The following ATF7IP2 variants were observed in gnomAD, a reference collection of about 807,000 sequenced individuals.
ATF7IP2 encodes activating transcription factor 7-interacting protein 2.
A neutral mutation model predicts 64.2 loss-of-function variants in ATF7IP2; 42 were observed. That is an observed-to-expected ratio of 0.65 (90% CI 0.51 to 0.85). ATF7IP2 has a LOEUF of 0.85. Among genes scored for constraint, ATF7IP2 ranks in the 40% least tolerant of loss-of-function variants. ATF7IP2 has a pLI of 0.00. For missense variants in ATF7IP2, 933 were observed against 784.2 expected (o/e 1.19, Z -2.27); for synonymous variants, 308 against 272.8 (o/e 1.13, Z -1.27).
chr16:10,477,956 G>C (rs1485537180), intron 12 of ATF7IP2, among the ~76,000 whole-genome samples: 2 of 143,224 alleles, frequency 1.4e-5, no homozygotes, highest in Non-Finnish European at 3.1e-5. Flanking sequence ...GGGATGTGAA[G>C]GACCTCTTCA....
chr16:10,466,686 T>C (rs2049586190), intron 9 of ATF7IP2, among the ~76,000 whole-genome samples: 1 of 152,208 alleles, frequency 6.6e-6, no homozygotes, highest in Non-Finnish European at 1.5e-5. Context: ...TCTTTTCAAT[T>C]TTTTTGACAG....
At chr16:10,402,210 C>T (rs571355920) in intron 1 of ATF7IP2, among the ~76,000 whole-genome samples, 4 of 152,104 alleles carry the variant, frequency 2.6e-5, no homozygotes, top group East Asian at 1.9e-4. Flanking sequence ...TTGATGGAGA[C>T]GTTGAATGCC....
intron 12 of ATF7IP2, among the ~76,000 whole-genome samples, chr16:10,480,352 T>G (rs931071156): frequency 2.6e-5 from 4 of 151,960 alleles, no homozygotes; most frequent in Non-Finnish European, 5.9e-5. Flanking sequence ...TTTTTCGTGT[T>G]CCCTTCCTTT....
chr16:10,460,976 G>A (rs1313656040), intron 9 of ATF7IP2, among the ~76,000 whole-genome samples: 1 of 152,070 alleles, frequency 6.6e-6, no homozygotes, highest in Non-Finnish European at 1.5e-5. Flanking sequence ...TATATATAAA[G>A]AACTTCAACA....
At chr16:10,402,341 A>G (rs2047551733) in intron 1 of ATF7IP2, among the ~76,000 whole-genome samples, 1 of 152,118 alleles carries the variant, frequency 6.6e-6, no homozygotes, top group South Asian at 2.1e-4. Context: ...TGACTCAGTG[A>G]TAGTTCAGAA....
At chr16:10,392,225 A>G (rs8058767) in intron 1 of ATF7IP2, among the ~76,000 whole-genome samples, 119,848 of 151,586 alleles carry the variant, frequency 0.79, 48,161 homozygotes, top group African/African-American at 0.94. Context: ...ACTTAGTAGA[A>G]ATGGGGTTTC....
Position 10,482,506 on chromosome 16 carries a change from C to G in ATF7IP2, c.*257C>G. 3.6e-6 allele frequency: 1 copy of G among 278,562 alleles called. No individual in the cohort carries two copies. The highest frequency in any genetic ancestry group is 6.7e-6 in the Non-Finnish European group (1 of 150,046). 17.3% of individuals were successfully genotyped at this position (278,562 alleles called of 1,614,324 possible). On this transcript the variant is annotated 3_prime_UTR_variant, in exon 14 of 14. Coordinates refer to ENST00000562102, the MANE Select transcript of ATF7IP2 (RefSeq NM_001393719.1). ...TGCTGAGGTGCATTGTGAACAATAC[C>G]TTTAGTGACTGTGGAACTGCTGCTT...
intron 9 of ATF7IP2, among the ~76,000 whole-genome samples, chr16:10,465,520 C>T (rs1468390907): frequency 6.6e-6 from 1 of 151,454 alleles, no homozygotes; most frequent in Non-Finnish European, 1.5e-5. Context: ...GCCGAGGCTC[C>T]TGAGGTCAGG....
chr16:10,428,110 A>G (rs1379430827), intron 3 of ATF7IP2, among the ~76,000 whole-genome samples: 1 of 152,220 alleles, frequency 6.6e-6, no homozygotes, highest in Non-Finnish European at 1.5e-5. Flanking sequence ...TAGAAAAAGT[A>G]ATAGAATTAT....
chr16:10,433,607 T>C lies in ATF7IP2; in HGVS notation c.918T>C (p.Asn306=), dbSNP rs1272673055. The C allele has an allele frequency of 3.1e-6, 5 of 1,613,750 alleles. No homozygotes were observed. The highest frequency in any genetic ancestry group is 1.1e-5 in the South Asian group (1 of 91,066). Residue 306 remains asparagine, a synonymous_variant, in exon 6 of 14, where the codon AAT becomes AAC. Coordinates refer to ENST00000562102, the MANE Select transcript of ATF7IP2 (RefSeq NM_001393719.1). ...AAACTTCAGAGCAAATTAATGAAAA[T>C]ATTTGTGTAAGTTTGGAAAGGCAAA... ...RMKTSEQINE[N]ICVSLERQTA... is the part of the protein sequence containing the mutation.
At chr16:10,438,276 G>A (rs763199322) in intron 7 of ATF7IP2, 41 bp downstream of exon 7, 1 of 1,569,018 alleles carries the variant, frequency 6.4e-7, no homozygotes. Context: ...AGGGGAGTAG[G>A]GGGTGTTGTT....
chr16:10,437,970 T>C, intron 6 of ATF7IP2, 131 bp from the exon 7 acceptor site: 1 of 631,838 alleles, frequency 1.6e-6, no homozygotes, highest in Non-Finnish European at 2.4e-6. Context: ...TATATAAACA[T>C]ACAAATATAA....
chr16:10,407,229 C>A (rs139101246), intron 1 of ATF7IP2, among the ~76,000 whole-genome samples: 1 of 152,106 alleles, frequency 6.6e-6, no homozygotes, highest in African/African-American at 2.4e-5. Flanking sequence ...TGTATCTCAA[C>A]GTAATAAAAG....
rs35528504 is a variant in ATF7IP2 at position 10,425,225 on chromosome 16, G to GTT, written c.-159-3628_-159-3627dup. ...AGGTGCCTACCACCATGCCTGGCTA[G>GTT]TTTTTTTTTTTTTTTTGTACTTTTA... On this transcript the variant is annotated intron_variant, in intron 3 of 13. Coordinates refer to ENST00000562102, the MANE Select transcript of ATF7IP2 (RefSeq NM_001393719.1). Among the ~76,000 whole-genome samples the GTT allele has an allele frequency of 4.0e-3, 534 of 134,712 alleles. 2 individuals carry two copies. Among genetic ancestry groups the GTT allele is most frequent in the African/African-American group, 0.013 (472 of 36,500 alleles). The allele number at this position is 134,712 out of a possible 152,430, so 88.4% of individuals were successfully genotyped here. A position where few individuals can be genotyped will look rare whatever the true frequency, so the allele number is the denominator to read the frequency against.
intron 9 of ATF7IP2, among the ~76,000 whole-genome samples, chr16:10,458,143 A>G (rs569619324): frequency 6.6e-6 from 1 of 152,364 alleles, no homozygotes; most frequent in South Asian, 2.1e-4. Context: ...AGCAAAGGAG[A>G]AGCATTACAG....
chr16:10,463,934 T>A (rs967430558), intron 9 of ATF7IP2, among the ~76,000 whole-genome samples: 3 of 152,194 alleles, frequency 2.0e-5, no homozygotes, highest in Non-Finnish European at 4.4e-5. Flanking sequence ...GCTGGTCTTA[T>A]ATTCCAGTTC....
At chr16:10,424,727 A>T (rs2048050138) in intron 3 of ATF7IP2, among the ~76,000 whole-genome samples, 1 of 152,252 alleles carries the variant, frequency 6.6e-6, no homozygotes. Context: ...TCCAAGAAGT[A>T]CATGAAAAGA....
rs535809054 is a variant in ATF7IP2, at chr16:10,388,517, TATCAG to T, written c.-242+2398_-242+2402del. ...TACAGTATGCTGATGTGAAATAGCT[TATCAG>T]ATAGCCATGGCAAAAGTTGCCAAGG... On this transcript the variant is annotated intron_variant, in intron 1 of 13. Coordinates refer to ENST00000562102, the MANE Select transcript of ATF7IP2 (RefSeq NM_001393719.1). Among the ~76,000 whole-genome samples, 61 of 152,334 alleles carry T rather than the reference TATCAG, an allele frequency of 4.0e-4. No individual in the cohort carries two copies. The East Asian group carries it at 6.9e-3, about 17-fold the overall frequency.
chr16:10,469,361 C>G (rs2049702795), intron 9 of ATF7IP2, among the ~76,000 whole-genome samples: 2 of 152,014 alleles, frequency 1.3e-5, no homozygotes, highest in Non-Finnish European at 2.9e-5. Flanking sequence ...TGGAGTATCA[C>G]TAAGGCAGGA....
Sources: allele counts gnomAD v4.1 joint callset (sites outside exome capture counted in the v4.1 genomes callset), GRCh38; gene constraint gnomAD v4.1.1; transcripts MANE v1.5; gene names NCBI Gene and HGNC (gene_info 2026-07-23, HGNC 2026-07-21).